Variants in ZNF561 observed in about 807,000 individuals in gnomAD.
The protein encoded by ZNF561 is zinc finger protein 561.
In ZNF561, 16 loss-of-function variants were observed where a neutral mutation model predicts 16.7. The ratio of observed to expected loss-of-function variants is 0.96; its 90% CI spans 0.65 to 1.45. The LOEUF is 1.45. Ranked by LOEUF, ZNF561 falls within the 40% of genes most tolerant of loss-of-function variation. ZNF561 has a pLI of 0.00. For synonymous variants in ZNF561, 190 were observed against 192.1 expected (o/e 0.99, Z 0.09); for missense variants, 580 against 578.0 (o/e 1.00, Z -0.04).
chr19:9,617,518 C>A (rs1369051274), intron 3 of ZNF561: 1 of 316,984 alleles, frequency 3.2e-6, no homozygotes, highest in East Asian at 7.5e-5. Context: ...TCTATCTAAT[C>A]TGTTTATTTA....
At chr19:9,615,440 T>C (rs940683103) in intron 4 of ZNF561, among the ~76,000 whole-genome samples, 15 of 150,236 alleles carry the variant, frequency 1.0e-4, no homozygotes, top group African/African-American at 3.7e-4. Flanking sequence ...CTACTAAAAA[T>C]ACAAAAATTA....
rs778767043 is a variant in ZNF561, at chr19:9,610,568, A to T, written c.1093T>A (p.Tyr365Asn). 26 of 1,613,372 alleles carry T rather than the reference A, an allele frequency of 1.6e-5. No homozygotes were observed. The highest frequency in any genetic ancestry group is 2.1e-5 in the Non-Finnish European group (25 of 1,179,646). The change falls in exon 6 of 6, where the codon TAT (tyrosine) becomes AAT (asparagine). Residue 365 changes from tyrosine (Y) to asparagine (N), a missense_variant. Coordinates refer to ENST00000302851, the MANE Select transcript of ZNF561 (RefSeq NM_152289.3). Reference protein sequence around the residue: ...HIRSHSGKKPYQCKECGKAFT... With the variant: ...HIRSHSGKKPNQCKECGKAFT... ...GCTTTCCCACATTCCTTACACTGAT[A>T]GGGTTTCTTTCCACTGTGACTTCGT...
At chr19:9,620,625 A>ACC (rs927723318) in intron 1 of ZNF561, among the ~76,000 whole-genome samples, 2 of 151,208 alleles carry the variant, frequency 1.3e-5, no homozygotes, top group African/African-American at 4.9e-5. Flanking sequence ...ATATGGTGTT[A>ACC]CCCCCCCGCC....
In ZNF561 at chr19:9,610,564, T is replaced by C. The variant is rs199949373; in HGVS notation, c.1097A>G (p.Gln366Arg). The change falls in exon 6 of 6, where the codon CAG becomes CGG. Residue 366 changes from glutamine to arginine, a missense_variant. Gln to Arg is a conservative substitution (Grantham distance 43). Coordinates refer to ENST00000302851, the MANE Select transcript of ZNF561 (RefSeq NM_152289.3). Reference protein sequence around the residue: ...IRSHSGKKPYQCKECGKAFTT... With the variant: ...IRSHSGKKPYRCKECGKAFTT... ...GAAGGCTTTCCCACATTCCTTACAC[T>C]GATAGGGTTTCTTTCCACTGTGACT... 1.2e-6 allele frequency: 2 copies of C among 1,613,454 alleles called. No homozygotes were observed. Among genetic ancestry groups the C allele is most frequent in the South Asian group, 1.1e-5 (1 of 91,070 alleles).
chr19:9,617,105 T>C lies in ZNF561; in HGVS notation c.181A>G (p.Thr61Ala). ...TPEEWALLDT[T>A]EKYLYRDVML... ...ACATCTCTGTAGAGGTATTTCTCAG[T>C]TGTGTCCAGTAAAGCCCACTCCTCT... The change falls in exon 4 of 6, where the codon ACT becomes GCT. Residue 61 changes from threonine to alanine, a missense_variant. Coordinates refer to ENST00000302851, the MANE Select transcript of ZNF561 (RefSeq NM_152289.3). 1 of 1,613,792 alleles carries C rather than the reference T, an allele frequency of 6.2e-7. No homozygotes were observed. The highest frequency in any genetic ancestry group is 8.5e-7 in the Non-Finnish European group (1 of 1,179,772).
In ZNF561 at chr19:9,621,173, CAG is replaced by C. The variant is rs1409356487; in HGVS notation, c.-140_-139del. The C allele has an allele frequency of 6.5e-6, 1 of 154,176 alleles. No individual in the cohort carries two copies. Among genetic ancestry groups the C allele is most frequent in the Non-Finnish European group, 1.5e-5 (1 of 68,844 alleles). 9.6% of individuals were successfully genotyped at this position (154,176 alleles called of 1,614,324 possible). A position where few individuals can be genotyped will look rare whatever the true frequency, so the allele number is the denominator to read the frequency against. On this transcript the variant is annotated 5_prime_UTR_variant, in exon 1 of 6. An upstream open reading frame in the 5' UTR loses its in-frame stop. Coordinates refer to ENST00000302851, the MANE Select transcript of ZNF561 (RefSeq NM_152289.3). ...GAGGTGGAACTCACCACAGCCTGGG[CAG>C]ACTCCACCACCATAAAGGCGAAACC...
intron 3 of ZNF561, chr19:9,617,721 G>T: frequency 2.2e-6 from 1 of 457,716 alleles, no homozygotes; most frequent in Non-Finnish European, 4.4e-6. Flanking sequence ...TGTCCCATTG[G>T]TGTCTATGCA....
rs1367071199 is a variant in ZNF561 at position 9,608,603 on chromosome 19, A to C, written c.*1597T>G. The C allele has an allele frequency of 6.6e-6, 1 of 152,242 alleles. No individual in the cohort carries two copies. The highest frequency in any genetic ancestry group is 1.5e-5 in the Non-Finnish European group (1 of 68,056). 9.4% of individuals were successfully genotyped at this position (152,242 alleles called of 1,614,324 possible). The stretch of plus-strand genomic sequence containing the variant: ...ATGTGAAGCAGATTTGAAACTGACA[A>C]ATGAGGCTGGAAAAATTCTGATGTG... On this transcript the variant is annotated 3_prime_UTR_variant, in exon 6 of 6. Coordinates refer to ENST00000302851, the MANE Select transcript of ZNF561 (RefSeq NM_152289.3).
rs2074619233 is a variant in ZNF561, at chr19:9,619,452, G to A, written c.5C>T (p.Ala2Val). The A allele has an allele frequency of 1.9e-6, 3 of 1,612,954 alleles. No homozygotes were observed. The highest frequency in any genetic ancestry group is 2.7e-5 in the African/African-American group (2 of 74,844). M[A>V]AIYLSRGFFS... ...CTTACCACGGGACAAATAAATGGCTGCCATTCTCTGAAGCTGATGGTGTGA... is the reference window on the plus strand; with the variant it reads ...CTTACCACGGGACAAATAAATGGCTACCATTCTCTGAAGCTGATGGTGTGA... The change falls in exon 2 of 6, where the codon GCA (alanine) becomes GTA (valine). Residue 2 changes from alanine to valine, a missense_variant. Ala to Val is a moderately conservative substitution (Grantham distance 64). Coordinates refer to ENST00000302851, the MANE Select transcript of ZNF561 (RefSeq NM_152289.3).
Position 9,611,219 on chromosome 19 carries a change from C to G in ZNF561, c.442G>C (p.Gly148Arg), listed in dbSNP as rs767621230. The G allele has an allele frequency of 1.8e-5, 29 of 1,613,758 alleles. No individual in the cohort carries two copies. In the Admixed American group the frequency reaches 4.7e-4, roughly 26 times the overall value. ...RVQNGGNTSE[G>R]NCYGKDTLSV... Reference sequence around the variant, plus strand: ...AGGGTGTCTTTTCCATAACAATTACCCTCAGAAGTATTCCCTCCATTCTGA... The same window carrying G: ...AGGGTGTCTTTTCCATAACAATTACGCTCAGAAGTATTCCCTCCATTCTGA... The change falls in exon 6 of 6, where the codon GGT becomes CGT. Residue 148 changes from glycine (G) to arginine (R), a missense_variant. Coordinates refer to ENST00000302851, the MANE Select transcript of ZNF561 (RefSeq NM_152289.3).
chr19:9,613,958 T>C (rs1599226207), intron 5 of ZNF561, 63 bp downstream of exon 5: 1 of 1,591,984 alleles, frequency 6.3e-7, no homozygotes, highest in East Asian at 2.2e-5. Flanking sequence ...GCTGATTTTC[T>C]AGAATGGAAT....
At chr19:9,613,086 C>T (rs1463183192) in intron 5 of ZNF561, among the ~76,000 whole-genome samples, 3 of 152,116 alleles carry the variant, frequency 2.0e-5, no homozygotes, top group African/African-American at 4.8e-5. Context: ...CCATTGCACC[C>T]AGTCAAATAG....
At chr19:9,611,407 G>T in intron 5 of ZNF561, 71 bp from the exon 6 acceptor site, 1 of 1,421,754 alleles carries the variant, frequency 7.0e-7, no homozygotes, top group Non-Finnish European at 9.4e-7. Flanking sequence ...TCTGAACACA[G>T]AAGCATTTTG....
intron 1 of ZNF561, among the ~76,000 whole-genome samples, 186 bp from the exon 2 acceptor site, chr19:9,619,768 G>C (rs1046719837): frequency 2.6e-5 from 4 of 152,122 alleles, no homozygotes; most frequent in African/African-American, 9.7e-5. Flanking sequence ...GTCAGAAGTA[G>C]CTCTAGTAGC....
At position 9,610,984 on chromosome 19, in the gene ZNF561, TCA is replaced by T; in HGVS notation, c.675_676del (p.Cys225Ter). The T allele has an allele frequency of 1.2e-6, 2 of 1,614,180 alleles. No homozygotes were observed. The highest frequency in any genetic ancestry group is 2.2e-5 in the East Asian group (1 of 44,872). ...GACAGCTCTCCCATATTCCTGAAAT[TCA>T]CAGAGTTTCTCATCAGTGTGGATTC... On this transcript the variant is annotated stop_gained and frameshift_variant, in exon 6 of 6. Coordinates refer to ENST00000302851, the MANE Select transcript of ZNF561 (RefSeq NM_152289.3). LOFTEE classifies it low-confidence loss of function (END_TRUNC).
At position 9,609,928 on chromosome 19, in the gene ZNF561, C is replaced by T. The variant is rs921510546; in HGVS notation, c.*272G>A. ...TGGGGTCAATCTGCATGATTTATCT[C>T]ATACACAACTTGTTAATGCTATGAT... On this transcript the variant is annotated 3_prime_UTR_variant, in exon 6 of 6. Transcript: ENST00000302851. 9.8e-6 allele frequency: 3 copies of T among 307,614 alleles called. No homozygotes were observed. Among genetic ancestry groups the T allele is most frequent in the Non-Finnish European group, 1.8e-5 (3 of 165,442 alleles). The allele number at this position is 307,614 out of a possible 1,614,324, so 19.1% of individuals were successfully genotyped here.
chr19:9,618,454 C>T (rs73008103), intron 2 of ZNF561, among the ~76,000 whole-genome samples: 2,937 of 152,264 alleles, frequency 0.019, 66 homozygotes, highest in South Asian at 0.058. Flanking sequence ...CGTCCAGGTG[C>T]GGTGCCTCAT....
chr19:9,618,497 C>T (rs916095935), intron 2 of ZNF561, among the ~76,000 whole-genome samples: 4 of 151,980 alleles, frequency 2.6e-5, no homozygotes, highest in Admixed American at 1.3e-4. Flanking sequence ...GAGGCCGAGG[C>T]GGGTGGATCA....
At chr19:9,612,169 C>G (rs773470030) in intron 5 of ZNF561, among the ~76,000 whole-genome samples, 3 of 152,080 alleles carry the variant, frequency 2.0e-5, no homozygotes, top group Non-Finnish European at 4.4e-5. Context: ...CTCAGATGAT[C>G]TGCCTGCCTT....
Sources: gnomAD v4.1 joint callset for allele counts (sites outside exome capture counted in the v4.1 genomes callset) on GRCh38, gnomAD v4.1.1 for gene constraint, MANE v1.5 for transcripts, NCBI Gene and HGNC (gene_info 2026-07-23, HGNC 2026-07-21) for gene names.